GGT5: variants seen among roughly 807,000 people sequenced by gnomAD.
The protein encoded by GGT5 is gamma-glutamyltransferase 5, also known as glutathione hydrolase 5 proenzyme.
A neutral mutation model predicts 58.1 loss-of-function variants in GGT5; 50 were observed. The ratio of observed to expected loss-of-function variants is 0.86; its 90% confidence interval spans 0.69 to 1.09. The LOEUF is 1.09. GGT5 is among the 50% of genes least tolerant of loss of function. GGT5 has a pLI of 0.00. For synonymous variants in GGT5, 370 were observed against 346.1 expected (o/e 1.07, Z -0.77); for missense variants, 800 against 789.4 (o/e 1.01, Z -0.16).
Position 24,219,861 on chromosome 22 carries a change from C to G in GGT5, c.*109G>C. On this transcript the variant is annotated 3_prime_UTR_variant, in exon 12 of 12. Coordinates refer to ENST00000327365, the MANE Select transcript of GGT5 (RefSeq NM_004121.5). Reference sequence around the variant, plus strand: ...ACCTCTTCCACTCTCAGCTGGACTCCCCTGCCAGGGGTCCAGATCCTGCCA... The same window carrying G: ...ACCTCTTCCACTCTCAGCTGGACTCGCCTGCCAGGGGTCCAGATCCTGCCA... 2.7e-6 allele frequency: 3 copies of G among 1,111,074 alleles called. No individual in the cohort carries two copies. The highest frequency in any genetic ancestry group is 2.4e-5 in the East Asian group (1 of 41,652). The allele number at this position is 1,111,074 out of a possible 1,614,324, so 68.8% of individuals were successfully genotyped here. A position where few individuals can be genotyped will look rare whatever the true frequency, so the allele number is the denominator to read the frequency against.
At position 24,224,913 on chromosome 22, in the gene GGT5, G is replaced by A. The variant is rs2047702537; in HGVS notation, c.1614+83C>T. 7 of 856,796 alleles carry A rather than the reference G, an allele frequency of 8.2e-6. No individual in the cohort carries two copies. The Admixed American group carries it at 1.5e-4, about 18-fold the overall frequency. The allele number at this position is 856,796 out of a possible 1,614,324, so 53.1% of individuals were successfully genotyped here. On this transcript the variant is annotated intron_variant, in intron 11 of 11. Transcript: ENST00000327365. ...ACCTGGCCTAAGAATCTCAGTGACT[G>A]AGTTCCTCCCAGGTGGCTTTGAGCA...
intron 1 of GGT5, 82 bp downstream of exon 1, chr22:24,244,471 C>G: frequency 2.7e-6 from 1 of 373,292 alleles, no homozygotes; most frequent in East Asian, 8.9e-5. Context: ...TACATTCACT[C>G]ACACACACAC....
chr22:24,231,368 TG>T lies in GGT5; in HGVS notation c.901+15del. The T allele has an allele frequency of 6.5e-7, 1 of 1,535,512 alleles. No homozygotes were observed. Among genetic ancestry groups the T allele is most frequent in the Non-Finnish European group, 8.8e-7 (1 of 1,137,714 alleles). Reference sequence around the variant, plus strand: ...GGGGAGGGGGTGGGCGCCAGGGCTCTGGGCAGGGGCTTTACCTCTTAGCACG... The same window carrying T: ...GGGGAGGGGGTGGGCGCCAGGGCTCTGGCAGGGGCTTTACCTCTTAGCACG... On this transcript the variant is annotated intron_variant, in intron 6 of 11. Coordinates refer to ENST00000327365, the MANE Select transcript of GGT5 (RefSeq NM_004121.5).
Position 24,225,220 on chromosome 22 carries a change from C to G in GGT5, c.1503+25G>C, listed in dbSNP as rs1366182504. On this transcript the variant is annotated intron_variant, in intron 10 of 11. Transcript: ENST00000327365. ...CAGTATGCTGCCCAGAGAGGAGACACTCGAGCCAGGAGCCCCAGACTCACC... is the reference window on the plus strand; with the variant it reads ...CAGTATGCTGCCCAGAGAGGAGACAGTCGAGCCAGGAGCCCCAGACTCACC... The G allele has an allele frequency of 1.9e-6, 3 of 1,610,164 alleles. No individual in the cohort carries two copies. In the Admixed American group the frequency reaches 5.0e-5, roughly 27 times the overall value.
chr22:24,231,621 A>T (rs2047944835), intron 5 of GGT5, 91 bp from the exon 6 acceptor site: 1 of 1,309,480 alleles, frequency 7.6e-7, no homozygotes, highest in Non-Finnish European at 1.1e-6. Flanking sequence ...ATGGGATTCC[A>T]CTCATGCTTT....
chr22:24,233,079 A>G, intron 3 of GGT5, 61 bp from the exon 4 acceptor site: 4 of 1,284,088 alleles, frequency 3.1e-6, no homozygotes, highest in Non-Finnish European at 4.2e-6. Context: ...GTTTGCCATC[A>G]CCCCTACATG....
At chr22:24,232,277 A>T in intron 4 of GGT5, 69 bp from the exon 5 acceptor site, 1 of 914,840 alleles carries the variant, frequency 1.1e-6, no homozygotes, top group African/African-American at 1.7e-5. Context: ...CGGGGCTCTC[A>T]TGGGTGGAGT....
Position 24,223,538 on chromosome 22 carries a change from C to T in GGT5, c.1614+1458G>A, listed in dbSNP as rs115080985. On this transcript the variant is annotated intron_variant, in intron 11 of 11. Coordinates refer to ENST00000327365, the MANE Select transcript of GGT5 (RefSeq NM_004121.5). The stretch of plus-strand genomic sequence containing the variant: ...CCTGTCATGCGAAGGACCCTACATG[C>T]GGAGGGAGGCCTGCAAACTCCAAGA... Among the ~76,000 whole-genome samples the T allele has an allele frequency of 9.1e-4, 139 of 152,202 alleles. 1 individual carries two copies. Among genetic ancestry groups the T allele is most frequent in the African/African-American group, 3.2e-3 (133 of 41,530 alleles).
rs1254114449 is a variant in GGT5, at chr22:24,225,365, TG to T, written c.1382del (p.Pro461GlnfsTer16). On this transcript the variant is annotated frameshift_variant, in exon 10 of 12. Transcript: ENST00000327365. LOFTEE classifies it high-confidence loss of function. ...VGGAPGRCWP[P>X]VPGERSPSSM... ...AGGATGGGGAACGCTCGCCTGGAACTGGGGGCCAGCACCTTCCGGGAGCTCC... is the reference window on the plus strand; with the variant it reads ...AGGATGGGGAACGCTCGCCTGGAACTGGGGCCAGCACCTTCCGGGAGCTCC... 6.2e-7 allele frequency: 1 copy of T among 1,612,364 alleles called. No individual in the cohort carries two copies. Among genetic ancestry groups the T allele is most frequent in the East Asian group, 2.2e-5 (1 of 44,864 alleles).
At chr22:24,235,903 G>A (rs992206495) in intron 1 of GGT5, among the ~76,000 whole-genome samples, 5 of 152,088 alleles carry the variant, frequency 3.3e-5, no homozygotes, top group African/African-American at 7.2e-5. Context: ...CACCCACCTC[G>A]CCCACCCTGC....
chr22:24,229,454 G>T (rs900754167), intron 6 of GGT5, among the ~76,000 whole-genome samples: 1 of 151,864 alleles, frequency 6.6e-6, no homozygotes, highest in African/African-American at 2.4e-5. Context: ...CAAGGGGAAG[G>T]GTGGGAGGGG....
Position 24,232,214 on chromosome 22 carries a change from G to T in GGT5, c.597-6C>A. ...TCCCGTTGAAGAAGAGCTGGCTGGG[G>T]GGTGGGGGGAGCCTCAGGGTGGGGC... On this transcript the variant is annotated splice_polypyrimidine_tract_variant and splice_region_variant and intron_variant, in intron 4 of 11. Transcript: ENST00000327365. 6.8e-7 allele frequency: 1 copy of T among 1,472,994 alleles called. No homozygotes were observed. Among genetic ancestry groups the T allele is most frequent in the Non-Finnish European group, 9.1e-7 (1 of 1,095,218 alleles). 91.2% of individuals were successfully genotyped at this position (1,472,994 alleles called of 1,614,324 possible).
At chr22:24,239,505 T>C (rs1369908827) in intron 1 of GGT5, among the ~76,000 whole-genome samples, 1 of 152,110 alleles carries the variant, frequency 6.6e-6, no homozygotes, top group Non-Finnish European at 1.5e-5. Context: ...ACTGAAATAA[T>C]GTAGGGTAGA....
Position 24,232,065 on chromosome 22 carries a change from T to C in GGT5, c.740A>G (p.Asp247Gly). The part of the protein sequence containing the change: ...TGRLGQMLVE[D>G]IAKEGSQLTL... ...GGGAGGCTGACCTTCCTTGGCAATGTCCTCCACCAGCATCTGGCCCAGCCT... is the reference window on the plus strand; with the variant it reads ...GGGAGGCTGACCTTCCTTGGCAATGCCCTCCACCAGCATCTGGCCCAGCCT... The change falls in exon 5 of 12, where the codon GAC (aspartate) becomes GGC (glycine). Residue 247 changes from aspartate (D) to glycine (G), a missense_variant. Physicochemically the swap from Asp to Gly is moderately conservative, Grantham distance 94. Coordinates refer to ENST00000327365, the MANE Select transcript of GGT5 (RefSeq NM_004121.5). The C allele has an allele frequency of 6.2e-7, 1 of 1,613,442 alleles. No homozygotes were observed. The highest frequency in any genetic ancestry group is 8.5e-7 in the Non-Finnish European group (1 of 1,179,634).
chr22:24,222,410 A>T (rs1281822082), intron 11 of GGT5, among the ~76,000 whole-genome samples: 3 of 152,110 alleles, frequency 2.0e-5, no homozygotes, highest in Non-Finnish European at 4.4e-5. Flanking sequence ...GAAGGCCAAG[A>T]TCCTTTACTG....
rs1465466128 is a variant in GGT5, at chr22:24,239,317, C to T, written c.173+5236G>A. Among the ~76,000 whole-genome samples the T allele has an allele frequency of 4.6e-5, 7 of 150,752 alleles. No homozygotes were observed. In the East Asian group the frequency reaches 7.8e-4, roughly 17 times the overall value. The stretch of plus-strand genomic sequence containing the variant: ...TTGTGCCACTGCACTCCAGCCTGGG[C>T]GACAGAGCGAGACTCTGTCTCAAAA... On this transcript the variant is annotated intron_variant, in intron 1 of 11. Coordinates refer to ENST00000327365, the MANE Select transcript of GGT5 (RefSeq NM_004121.5).
Position 24,244,877 on chromosome 22 carries a change from C to T in GGT5, c.-152G>A, listed in dbSNP as rs1172991069. The T allele has an allele frequency of 1.4e-5, 19 of 1,368,396 alleles. No homozygotes were observed. Among genetic ancestry groups the T allele is most frequent in the Non-Finnish European group, 1.6e-5 (17 of 1,038,470 alleles). The allele number at this position is 1,368,396 out of a possible 1,614,324, so 84.8% of individuals were successfully genotyped here. A position where few individuals can be genotyped will look rare whatever the true frequency, so the allele number is the denominator to read the frequency against. The stretch of plus-strand genomic sequence containing the variant: ...GCTGAAGACAGACACGAAGATGGAT[C>T]GACAGATAGGCCAGATAGCTAGACA... On this transcript the variant is annotated 5_prime_UTR_variant, in exon 1 of 12. Transcript: ENST00000327365.
In GGT5 at chr22:24,226,056, T is replaced by C; in HGVS notation, c.1229+20A>G. 1.3e-6 allele frequency: 2 copies of C among 1,530,514 alleles called. No individual in the cohort carries two copies. Among genetic ancestry groups the C allele is most frequent in the African/African-American group, 1.4e-5 (1 of 73,264 alleles). 94.8% of individuals were successfully genotyped at this position (1,530,514 alleles called of 1,614,324 possible). A position where few individuals can be genotyped will look rare whatever the true frequency, so the allele number is the denominator to read the frequency against. ...GAGAGGAGGAGTGAAGCCATCCGCC[T>C]TCCCCCAGGCCCTACGCACGGTGTG... On this transcript the variant is annotated intron_variant, in intron 8 of 11. Transcript: ENST00000327365.
intron 6 of GGT5, 22 bp from the exon 7 acceptor site, chr22:24,226,789 G>A: frequency 6.2e-7 from 1 of 1,612,578 alleles, no homozygotes; most frequent in Middle Eastern, 1.7e-4. Context: ...TTGGGGCACA[G>A]GTTGGTTGGG....
Sources: allele counts gnomAD v4.1 joint callset (sites outside exome capture counted in the v4.1 genomes callset), GRCh38; gene constraint gnomAD v4.1.1; transcripts MANE v1.5; gene names NCBI Gene and HGNC (gene_info 2026-07-23, HGNC 2026-07-21).